Variants in ERP44 observed in about 807,000 individuals in gnomAD.
ERP44 encodes the protein endoplasmic reticulum resident protein 44.
A neutral mutation model predicts 53.4 loss-of-function variants in ERP44; 25 were observed. That is an observed-to-expected ratio of 0.47 (90% CI 0.34 to 0.65). ERP44 has a LOEUF of 0.65. ERP44 is among the 30% of genes least tolerant of loss of function. ERP44 has a pLI of 0.01. For missense variants in ERP44, 338 were observed against 493.2 expected, an observed-to-expected ratio of 0.69 and a Z score of 2.98; for synonymous variants, 145 against 161.2, an observed-to-expected ratio of 0.90 and a Z score of 0.76.
intron 1 of ERP44, among the ~76,000 whole-genome samples, chr9:100,076,384 T>C (rs1304571799): frequency 1.3e-5 from 2 of 152,190 alleles, no homozygotes; most frequent in Non-Finnish European, 2.9e-5. Context: ...AATGGCCTCA[T>C]GGGGAGTTCC....
chr9:99,996,643 C>T (rs1830312445), intron 10 of ERP44, among the ~76,000 whole-genome samples: 1 of 152,076 alleles, frequency 6.6e-6, no homozygotes, highest in Non-Finnish European at 1.5e-5. Context: ...GAGCAGTATA[C>T]ACTACACCCT....
rs138924342 is a variant in ERP44 at position 100,008,461 on chromosome 9, C to T, written c.763-772G>A. On this transcript the variant is annotated intron_variant, in intron 8 of 11. Transcript: ENST00000262455. Reference sequence around the variant, plus strand: ...GTAGACAGATTTAATCATTTATTCTCCCCAACAAATGCTAAGTTCTGACTC... The same window carrying T: ...GTAGACAGATTTAATCATTTATTCTTCCCAACAAATGCTAAGTTCTGACTC... Among the ~76,000 whole-genome samples the T allele has an allele frequency of 5.9e-5, 9 of 152,172 alleles. No homozygotes were observed. In the East Asian group the frequency reaches 1.7e-3, roughly 29 times the overall value.
At chr9:99,985,412 C>T (rs1344322707) in intron 10 of ERP44, among the ~76,000 whole-genome samples, 1 of 152,038 alleles carries the variant, frequency 6.6e-6, no homozygotes, top group Non-Finnish European at 1.5e-5. Context: ...TAAAAAAAAA[C>T]TTTGTTCTGC....
chr9:100,074,901 T>C (rs912744475), intron 1 of ERP44, among the ~76,000 whole-genome samples: 2 of 152,140 alleles, frequency 1.3e-5, no homozygotes, highest in African/African-American at 4.8e-5. Flanking sequence ...CTGTGGTCAT[T>C]TTCCAGGTGC....
chr9:99,981,904 T>C lies in ERP44; in HGVS notation c.*708A>G, dbSNP rs897794389. The C allele has an allele frequency of 1.1e-4, 16 of 152,220 alleles. No homozygotes were observed. The highest frequency in any genetic ancestry group is 1.0e-3 in the Admixed American group (16 of 15,290). 9.4% of individuals were successfully genotyped at this position (152,220 alleles called of 1,614,324 possible). ...CTCCCTGTCCCAGATTTAGGTATAATTCATTCAAAGTTTTAAATGCCATCC... is the reference window on the plus strand; with the variant it reads ...CTCCCTGTCCCAGATTTAGGTATAACTCATTCAAAGTTTTAAATGCCATCC... On this transcript the variant is annotated 3_prime_UTR_variant, in exon 12 of 12. Coordinates refer to ENST00000262455, the MANE Select transcript of ERP44 (RefSeq NM_015051.3).
chr9:100,068,042 C>T (rs1291475498), intron 1 of ERP44, among the ~76,000 whole-genome samples: 1 of 149,354 alleles, frequency 6.7e-6, no homozygotes, highest in Non-Finnish European at 1.5e-5. Flanking sequence ...GGGGTCAGTC[C>T]CCCGCCCGGC....
chr9:100,077,822 A>G (rs765617510), intron 1 of ERP44, among the ~76,000 whole-genome samples: 3 of 152,270 alleles, frequency 2.0e-5, no homozygotes, highest in Non-Finnish European at 4.4e-5. Flanking sequence ...AAGAGTATAC[A>G]TGGAATACAG....
intron 4 of ERP44, among the ~76,000 whole-genome samples, chr9:100,041,517 A>C (rs1383904345): frequency 6.6e-6 from 1 of 151,954 alleles, no homozygotes; most frequent in Non-Finnish European, 1.5e-5. Flanking sequence ...AAAATACACT[A>C]ATTAGTTGGG....
chr9:100,013,285 G>T (rs1830494694), intron 8 of ERP44, among the ~76,000 whole-genome samples: 1 of 151,970 alleles, frequency 6.6e-6, no homozygotes, highest in African/African-American at 2.4e-5. Flanking sequence ...TTACAATTAG[G>T]TTAAGCTATA....
At chr9:99,991,882 T>C (rs998338942) in intron 10 of ERP44, among the ~76,000 whole-genome samples, 17 of 152,174 alleles carry the variant, frequency 1.1e-4, no homozygotes, top group African/African-American at 3.4e-4. Context: ...GAGAATACTA[T>C]AAACACCTCT....
chr9:100,028,467 T>C (rs906919170), intron 4 of ERP44, among the ~76,000 whole-genome samples: 2 of 152,212 alleles, frequency 1.3e-5, no homozygotes, highest in Non-Finnish European at 2.9e-5. Flanking sequence ...AAGGCCATGT[T>C]TTAATTGTGT....
At chr9:100,041,920 G>A (rs1194794623) in intron 4 of ERP44, among the ~76,000 whole-genome samples, 2 of 152,244 alleles carry the variant, frequency 1.3e-5, no homozygotes, top group African/African-American at 4.8e-5. Flanking sequence ...ATGGATTAAC[G>A]ACTTAAATCT....
chr9:100,046,494 A>G (rs1825971517), intron 4 of ERP44, among the ~76,000 whole-genome samples: 1 of 152,204 alleles, frequency 6.6e-6, no homozygotes. Context: ...TATTCCAGAA[A>G]TAAAGTTTAA....
intron 5 of ERP44, among the ~76,000 whole-genome samples, chr9:100,021,143 C>A (rs534404519): frequency 3.3e-5 from 5 of 152,292 alleles, no homozygotes; most frequent in Admixed American, 3.3e-4. Context: ...AAATGCAAGA[C>A]CCTGACTATC....
chr9:100,069,751 A>G (rs957147274), intron 1 of ERP44, among the ~76,000 whole-genome samples: 2 of 152,234 alleles, frequency 1.3e-5, no homozygotes, highest in African/African-American at 4.8e-5. Context: ...GATAATACAA[A>G]TCCTTAATCT....
intron 4 of ERP44, among the ~76,000 whole-genome samples, chr9:100,036,632 C>T (rs1425346039): frequency 6.6e-6 from 1 of 152,092 alleles, no homozygotes; most frequent in Admixed American, 6.6e-5. Flanking sequence ...TGCACATATA[C>T]CCCCATGTAC....
chr9:99,998,178 C>G (rs1830334327), intron 10 of ERP44: 1 of 213,214 alleles, frequency 4.7e-6, no homozygotes, highest in Admixed American at 5.5e-5. Flanking sequence ...ATGTCACCCT[C>G]TGTATTTTTA....
At chr9:100,039,602 A>T (rs542302732) in intron 4 of ERP44, among the ~76,000 whole-genome samples, 1 of 152,150 alleles carries the variant, frequency 6.6e-6, no homozygotes, top group African/African-American at 2.4e-5. Context: ...ACCTAATGAT[A>T]CCTCTTAAAG....
chr9:100,003,391 G>A (rs1352183760), intron 10 of ERP44, among the ~76,000 whole-genome samples: 1 of 152,196 alleles, frequency 6.6e-6, no homozygotes, highest in Non-Finnish European at 1.5e-5. Flanking sequence ...GCCTTACATT[G>A]ATGTCTGGGC....
Sources: gnomAD v4.1 joint callset for allele counts (sites outside exome capture counted in the v4.1 genomes callset) on GRCh38, gnomAD v4.1.1 for gene constraint, MANE v1.5 for transcripts, NCBI Gene and HGNC (gene_info 2026-07-23, HGNC 2026-07-21) for gene names.